The following ATRNL1 variants were observed in gnomAD, a reference collection of about 807,000 sequenced individuals.
The protein encoded by ATRNL1 is attractin like 1, also known as attractin-like protein 1.
In ATRNL1, 95 loss-of-function variants were observed where a neutral mutation model predicts 182.7. The observed-to-expected ratio is 0.52, with a 90% CI of 0.44 to 0.62. The LOEUF is 0.62. Among genes scored for constraint, ATRNL1 ranks in the 20% least tolerant of loss-of-function variants. The probability of loss-of-function intolerance (pLI) is 0.00; values close to 1 mark genes in which losing one functional copy is unlikely to be tolerated. For synonymous variants in ATRNL1, 576 were observed against 568.3 expected (o/e 1.01, Z -0.19); for missense variants, 1,471 against 1,679.5 (o/e 0.88, Z 2.17).
chr10:115,204,914 G>T (rs988036432), intron 8 of ATRNL1, among the ~76,000 whole-genome samples: 1 of 152,032 alleles, frequency 6.6e-6, no homozygotes, highest in Non-Finnish European at 1.5e-5. Flanking sequence ...GGCTTTCTTT[G>T]TTGGGAGGTT....
intron 27 of ATRNL1, among the ~76,000 whole-genome samples, chr10:115,841,248 T>C (rs1430001151): frequency 3.3e-5 from 5 of 151,994 alleles, no homozygotes; most frequent in African/African-American, 7.2e-5. Context: ...TAGGGAAAAA[T>C]AGGTGATAAA....
intron 24 of ATRNL1, among the ~76,000 whole-genome samples, chr10:115,475,235 T>C (rs1194536949): frequency 6.6e-6 from 1 of 151,518 alleles, no homozygotes; most frequent in Non-Finnish European, 1.5e-5. Flanking sequence ...TTGGAGATGA[T>C]TGAAATTAGT....
chr10:115,664,207 T>C (rs1860869541), intron 26 of ATRNL1, among the ~76,000 whole-genome samples: 2 of 152,146 alleles, frequency 1.3e-5, no homozygotes, highest in Non-Finnish European at 2.9e-5. Context: ...TACCAATCTG[T>C]AGGAAGCCTC....
intron 27 of ATRNL1, among the ~76,000 whole-genome samples, chr10:115,754,853 G>C (rs534584043): frequency 6.6e-6 from 1 of 152,178 alleles, no homozygotes; most frequent in African/African-American, 2.4e-5. Flanking sequence ...CTTGAGCAGT[G>C]GTTTGTCATT....
intron 19 of ATRNL1, among the ~76,000 whole-genome samples, chr10:115,370,246 A>G (rs1376479342): frequency 6.6e-6 from 1 of 152,140 alleles, no homozygotes; most frequent in Non-Finnish European, 1.5e-5. Flanking sequence ...GTCAAAATGG[A>G]CTAATACAGT....
chr10:115,650,730 A>G (rs1480536842), intron 26 of ATRNL1, among the ~76,000 whole-genome samples: 1 of 152,054 alleles, frequency 6.6e-6, no homozygotes, highest in Non-Finnish European at 1.5e-5. Context: ...TACTTAAGTC[A>G]CCCATCTTAG....
chr10:115,890,078 G>C (rs1555110758), intron 28 of ATRNL1, among the ~76,000 whole-genome samples: 1 of 152,114 alleles, frequency 6.6e-6, no homozygotes, highest in Admixed American at 6.5e-5. Flanking sequence ...GATAAGACTA[G>C]CTTTTGGCTT....
intron 17 of ATRNL1, among the ~76,000 whole-genome samples, chr10:115,307,315 T>G (rs1853783268): frequency 6.6e-6 from 1 of 152,086 alleles, no homozygotes; most frequent in Non-Finnish European, 1.5e-5. Flanking sequence ...CAGGCTGGAG[T>G]GCAGTGGCAC....
intron 26 of ATRNL1, among the ~76,000 whole-genome samples, chr10:115,668,703 T>A (rs1277332143): frequency 6.6e-6 from 1 of 152,138 alleles, no homozygotes; most frequent in East Asian, 1.9e-4. Flanking sequence ...ACATAAATCT[T>A]TTACATTTGT....
chr10:115,120,111 A>G, intron 1 of ATRNL1, 74 bp from the exon 2 acceptor site: 3 of 900,552 alleles, frequency 3.3e-6, no homozygotes, highest in Non-Finnish European at 5.2e-6. Context: ...ATGACTTTTA[A>G]ATTTTCTTAT....
At chr10:115,859,630 C>T (rs1023498403) in intron 28 of ATRNL1, among the ~76,000 whole-genome samples, 6 of 152,138 alleles carry the variant, frequency 3.9e-5, no homozygotes, top group Non-Finnish European at 8.8e-5. Flanking sequence ...CCTCATAGGG[C>T]CAGTGGTCCG....
At chr10:115,643,180 G>A (rs966787613) in intron 26 of ATRNL1, among the ~76,000 whole-genome samples, 1 of 152,140 alleles carries the variant, frequency 6.6e-6, no homozygotes, top group Admixed American at 6.6e-5. Flanking sequence ...ACATATATAT[G>A]ATCAACTGAT....
chr10:115,829,044 CTTT>C (rs141265534), intron 27 of ATRNL1, among the ~76,000 whole-genome samples: 6,859 of 152,052 alleles, frequency 0.045, 533 homozygotes, highest in African/African-American at 0.15. Flanking sequence ...CACAATCACC[CTTT>C]TTTTCAGTTT....
chr10:115,784,971 A>G (rs1949359863), intron 27 of ATRNL1, among the ~76,000 whole-genome samples: 1 of 152,176 alleles, frequency 6.6e-6, no homozygotes, highest in Non-Finnish European at 1.5e-5. Flanking sequence ...TGCAAAATAC[A>G]TTTGCCCCAT....
intron 25 of ATRNL1, among the ~76,000 whole-genome samples, chr10:115,532,133 A>G (rs1851631527): frequency 6.6e-6 from 1 of 151,714 alleles, no homozygotes; most frequent in Non-Finnish European, 1.5e-5. Flanking sequence ...GTTCCATATG[A>G]ATTTTAAAGT....
chr10:115,409,427 A>G (rs1845024639), intron 20 of ATRNL1, among the ~76,000 whole-genome samples: 1 of 152,176 alleles, frequency 6.6e-6, no homozygotes, highest in African/African-American at 2.4e-5. Flanking sequence ...CTACAAGTTT[A>G]GTGAATTCAT....
Position 115,900,289 on chromosome 10 carries a change from TATC to T in ATRNL1, c.4019-44366_4019-44364del, listed in dbSNP as rs148878754. On this transcript the variant is annotated intron_variant, in intron 28 of 28. Transcript: ENST00000355044. ...CTTAAAATTTTAATATGAAAGGTAA[TATC>T]ATAAAACATTTAGAAGACAGTCTAC... is the stretch of plus-strand genomic sequence containing the variant. Among the ~76,000 whole-genome samples the T allele has an allele frequency of 9.6e-3, 1,468 of 152,268 alleles. 18 individuals are homozygous for T. Among genetic ancestry groups the T allele is most frequent in the African/African-American group, 0.033 (1,351 of 41,560 alleles).
intron 26 of ATRNL1, among the ~76,000 whole-genome samples, chr10:115,704,080 T>C (rs1946823173): frequency 6.6e-6 from 1 of 152,108 alleles, no homozygotes; most frequent in East Asian, 1.9e-4. Context: ...AGAAAATTTT[T>C]AAACTTGAAA....
chr10:115,198,389 G>A (rs1456411961), intron 8 of ATRNL1, among the ~76,000 whole-genome samples: 2 of 152,026 alleles, frequency 1.3e-5, no homozygotes, highest in Non-Finnish European at 2.9e-5. Flanking sequence ...AGTTCTTTGA[G>A]TTCCTTATAT....
Sources: allele counts gnomAD v4.1 joint callset (sites outside exome capture counted in the v4.1 genomes callset), GRCh38; gene constraint gnomAD v4.1.1; transcripts MANE v1.5; gene names NCBI Gene and HGNC (gene_info 2026-07-23, HGNC 2026-07-21).